Variants in GPR19 observed in about 807,000 individuals in gnomAD.
GPR19 encodes the protein probable G protein-coupled receptor 19.
Under a neutral mutation model 28.5 loss-of-function variants are expected in GPR19, and 14 were observed. The observed-to-expected ratio is 0.49, with a 90% CI of 0.32 to 0.77. The LOEUF is 0.77. Ranked by LOEUF, GPR19 falls within the 30% of genes least tolerant of loss-of-function variation. The pLI is 0.03. For synonymous variants in GPR19, 173 were observed against 184.1 expected, an observed-to-expected ratio of 0.94 and a Z score of 0.49; for missense variants, 409 against 504.1, an observed-to-expected ratio of 0.81 and a Z score of 1.81.
chr12:12,710,690 C>T, the GPR19 span, among the ~76,000 whole-genome samples: 1 of 152,204 alleles, frequency 6.6e-6, no homozygotes, highest in Middle Eastern at 3.4e-3. Flanking sequence ...GTGCACAACA[C>T]TGTGCCCAGC....
intron 3 of GPR19, among the ~76,000 whole-genome samples, chr12:12,667,855 A>G (rs1260549981): frequency 1.3e-5 from 2 of 152,184 alleles, no homozygotes; most frequent in African/African-American, 4.8e-5. Context: ...GATAAGGACT[A>G]TGTCTTTACT....
chr12:12,715,894 A>G, the GPR19 span: 1 of 152,268 alleles, frequency 6.6e-6, no homozygotes. Flanking sequence ...GTAGGCACAC[A>G]AAGTGGACAA....
chr12:12,686,486 T>G (rs1328362268), intron 2 of GPR19, among the ~76,000 whole-genome samples: 1 of 152,228 alleles, frequency 6.6e-6, no homozygotes, highest in Non-Finnish European at 1.5e-5. Flanking sequence ...TCAAGAATAA[T>G]TACAACAATA....
At chr12:12,682,699 G>T (rs959521893) in intron 3 of GPR19, among the ~76,000 whole-genome samples, 3 of 152,110 alleles carry the variant, frequency 2.0e-5, no homozygotes, top group African/African-American at 7.2e-5. Context: ...AAAGTACTGC[G>T]CAATGAAACC....
At chr12:12,698,208 C>A (rs1459123579), upstream of GPR19, among the ~76,000 whole-genome samples, 3 of 152,072 alleles carry the variant, frequency 2.0e-5, no homozygotes, top group Non-Finnish European at 4.4e-5. Flanking sequence ...AGTAAGTTGT[C>A]AAATAAAACA....
intron 3 of GPR19, among the ~76,000 whole-genome samples, chr12:12,678,192 T>C (rs1456803214): frequency 6.6e-6 from 1 of 152,022 alleles, no homozygotes; most frequent in Admixed American, 6.6e-5. Context: ...TCCAGAATTA[T>C]GTGCAATTCT....
At chr12:12,707,377 C>G in the GPR19 span, among the ~76,000 whole-genome samples, 2 of 152,228 alleles carry the variant, frequency 1.3e-5, no homozygotes, top group Non-Finnish European at 2.9e-5. Context: ...TGTCTGTCTT[C>G]CACACTTGAG....
At chr12:12,683,600 T>A (rs1175717489) in intron 3 of GPR19, among the ~76,000 whole-genome samples, 3 of 152,262 alleles carry the variant, frequency 2.0e-5, no homozygotes, top group African/African-American at 7.2e-5. Flanking sequence ...ATTCAATGAC[T>A]GTTTGTGCTT....
Position 12,661,673 on chromosome 12 carries a change from G to C in GPR19, c.776C>G (p.Thr259Arg). ...YIWRIGTDGR[T>R]VRRTMNIVPR... ...GACAATGTTCATTGTCCTCCTCACC[G>C]TTCGGCCATCTGTGCCTATTCTCCA... Residue 259 changes from threonine to arginine, a missense_variant, in exon 4 of 4, where the codon ACG becomes AGG. Coordinates refer to ENST00000651487, the MANE Select transcript of GPR19 (RefSeq NM_006143.3). This position sits in a 1 kb window ranked among gnomAD's most constrained non-coding sequence, Gnocchi z 4.2. 6.2e-7 allele frequency: 1 copy of C among 1,613,802 alleles called. No homozygotes were observed. The highest frequency in any genetic ancestry group is 8.5e-7 in the Non-Finnish European group (1 of 1,179,742).
intron 3 of GPR19, 83 bp from the exon 4 acceptor site, chr12:12,662,553 A>G (rs1187272490): frequency 9.8e-7 from 1 of 1,021,892 alleles, no homozygotes; most frequent in South Asian, 1.5e-5. Context: ...TAACGATCTT[A>G]TTTGACATTT....
intron 2 of GPR19, among the ~76,000 whole-genome samples, chr12:12,694,188 C>CTTTTTTTTTTTTTTTTTTTTTT (rs147543699): frequency 2.3e-5 from 1 of 43,810 alleles, no homozygotes; most frequent in Non-Finnish European, 4.0e-5. Flanking sequence ...GAGTACCTGT[C>CTTTTTTTTTTTTTTTTTTTTTT]TTTTTTTTTT....
rs781773423 is a variant in GPR19 at position 12,661,494 on chromosome 12, A to C, written c.955T>G (p.Ser319Ala). The C allele has an allele frequency of 1.2e-6, 2 of 1,613,510 alleles. No individual in the cohort carries two copies. Among genetic ancestry groups the C allele is most frequent in the Admixed American group, 1.7e-5 (1 of 60,008 alleles). Residue 319 changes from serine (S) to alanine (A), a missense_variant, in exon 4 of 4, where the codon TCC (serine) becomes GCC (alanine). Transcript: ENST00000651487. The surrounding 1 kb of genome is among the most constrained non-coding windows in gnomAD (Gnocchi z 4.2). ...SLVFTAITWI[S>A]FSSSASKPTL... is the part of the protein sequence containing the mutation. ...GGTTTAGAGGCTGAAGAACTAAAGG[A>C]TATCCATGTGATAGCTGTGAAAACA...
At chr12:12,677,752 C>G (rs1272752144) in intron 3 of GPR19, among the ~76,000 whole-genome samples, 1 of 152,082 alleles carries the variant, frequency 6.6e-6, no homozygotes. Context: ...ATTCAATCCT[C>G]TCTGCATTTC....
the GPR19 span, among the ~76,000 whole-genome samples, chr12:12,711,290 C>CAA: frequency 7.1e-4 from 78 of 109,640 alleles, no homozygotes; most frequent in South Asian, 1.8e-3. Context: ...GAGACTCCAT[C>CAA]AAAAAAAAAA....
At chr12:12,705,173 G>C in the GPR19 span, among the ~76,000 whole-genome samples, 1 of 146,356 alleles carries the variant, frequency 6.8e-6, no homozygotes, top group Non-Finnish European at 1.5e-5. Context: ...GAGTGCAGTG[G>C]TGCGATCTTG....
intron 3 of GPR19, among the ~76,000 whole-genome samples, chr12:12,664,205 G>C (rs1179755947): frequency 2.0e-5 from 3 of 152,088 alleles, no homozygotes; most frequent in Non-Finnish European, 2.9e-5. Flanking sequence ...GGCCAGGCTG[G>C]TCTTGAACTC....
intron 3 of GPR19, among the ~76,000 whole-genome samples, chr12:12,674,285 A>AG (rs1348953233): frequency 6.6e-6 from 1 of 150,624 alleles, no homozygotes; most frequent in Non-Finnish European, 1.5e-5. Flanking sequence ...AAAAAAAAAA[A>AG]AAAAAAGTAA....
intron 3 of GPR19, among the ~76,000 whole-genome samples, chr12:12,678,321 A>G (rs1258870494): frequency 6.6e-6 from 1 of 152,192 alleles, no homozygotes; most frequent in East Asian, 1.9e-4. Context: ...ACCAATGATT[A>G]TTTATTAGTA....
At chr12:12,682,094 C>T (rs1310181692) in intron 3 of GPR19, among the ~76,000 whole-genome samples, 4 of 152,166 alleles carry the variant, frequency 2.6e-5, no homozygotes, top group Non-Finnish European at 5.9e-5. Flanking sequence ...CACTCTCAAA[C>T]TGAATTAAAC....
Sources: gnomAD v4.1 joint callset for allele counts (sites outside exome capture counted in the v4.1 genomes callset) on GRCh38, gnomAD v4.1.1 for gene constraint, Gnocchi (gnomAD v3.1) non-coding constraint, MANE v1.5 for transcripts, NCBI Gene and HGNC (gene_info 2026-07-23, HGNC 2026-07-21) for gene names.